NELL2: variants seen among roughly 807,000 people sequenced by gnomAD.
NELL2 encodes protein kinase C-binding protein NELL2.
A neutral mutation model predicts 109.6 loss-of-function variants in NELL2; 41 were observed. The observed-to-expected ratio is 0.37, with a 90% CI of 0.29 to 0.49. NELL2 has a LOEUF of 0.49. Among genes scored for constraint, NELL2 ranks in the 20% least tolerant of loss-of-function variants. The pLI is 0.98. For synonymous variants in NELL2, 355 were observed against 344.7 expected, an observed-to-expected ratio of 1.03 and a Z score of -0.33; for missense variants, 900 against 1,008.3, an observed-to-expected ratio of 0.89 and a Z score of 1.45.
intron 13 of NELL2, among the ~76,000 whole-genome samples, chr12:44,640,327 C>T (rs1946807663): frequency 1.3e-5 from 2 of 152,154 alleles, no homozygotes; most frequent in Non-Finnish European, 2.9e-5. Context: ...ACTGTAATAA[C>T]AATGATAAAA....
At chr12:44,695,794 G>T (rs1294827562) in intron 12 of NELL2, among the ~76,000 whole-genome samples, 1 of 151,988 alleles carries the variant, frequency 6.6e-6, no homozygotes, top group Non-Finnish European at 1.5e-5. Context: ...GTGAAACCAT[G>T]TCTCTCCAAA....
intron 16 of NELL2, among the ~76,000 whole-genome samples, chr12:44,526,813 C>A (rs1240673979): frequency 6.6e-6 from 1 of 152,196 alleles, no homozygotes; most frequent in Non-Finnish European, 1.5e-5. Flanking sequence ...TTCCTCTGGG[C>A]TTCCACCAGG....
intron 13 of NELL2, among the ~76,000 whole-genome samples, chr12:44,646,934 G>C (rs1947116373): frequency 6.6e-6 from 1 of 152,020 alleles, no homozygotes. Flanking sequence ...ACATAAAATG[G>C]GGATAGCAAT....
rs184036982 is a variant in NELL2, at chr12:44,805,609, T to C, written c.335+10377A>G. 1.0e-3 allele frequency among the ~76,000 whole-genome samples: 158 copies of C among 152,000 alleles called. 2 individuals are homozygous for C. In the East Asian group the frequency reaches 0.018, roughly 17 times the overall value. On this transcript the variant is annotated intron_variant, in intron 3 of 19. Coordinates refer to ENST00000429094, the MANE Select transcript of NELL2 (RefSeq NM_001145108.2). ...AAGTCCAACATGTCAATTTTTTTCT[T>C]AGGCAAGACTAAAGGGCATAAAAAT...
chr12:44,920,670 T>C (rs1417727459), intron 1 of NELL2, among the ~76,000 whole-genome samples: 1 of 152,210 alleles, frequency 6.6e-6, no homozygotes, highest in African/African-American at 2.4e-5. Context: ...AAATTTAAAT[T>C]CTTAGTGGCA....
intron 3 of NELL2, among the ~76,000 whole-genome samples, chr12:44,788,170 C>T (rs1449024950): frequency 6.6e-6 from 1 of 152,150 alleles, no homozygotes; most frequent in African/African-American, 2.4e-5. Context: ...GACTAGATTG[C>T]AGCTCCAACT....
At chr12:44,588,288 C>G (rs1447533403) in intron 15 of NELL2, among the ~76,000 whole-genome samples, 5 of 152,126 alleles carry the variant, frequency 3.3e-5, no homozygotes, top group Non-Finnish European at 1.5e-5. Context: ...AGCACCATGG[C>G]TGAGTTTGTC....
chr12:44,916,392 A>T (rs920453335), upstream of NELL2, among the ~76,000 whole-genome samples: 2 of 151,890 alleles, frequency 1.3e-5, no homozygotes, highest in Non-Finnish European at 2.9e-5. Context: ...AATCTAAGCT[A>T]AAAAAAATGG....
chr12:44,625,229 T>C (rs1030135175), intron 13 of NELL2, among the ~76,000 whole-genome samples: 1 of 151,878 alleles, frequency 6.6e-6, no homozygotes, highest in Non-Finnish European at 1.5e-5. Context: ...ACACCCTGCA[T>C]GGCAGTTGTA....
intron 2 of NELL2, among the ~76,000 whole-genome samples, chr12:44,819,762 T>C (rs1032296116): frequency 6.6e-6 from 1 of 152,160 alleles, no homozygotes; most frequent in Admixed American, 6.5e-5. Context: ...GGGGATGGGA[T>C]GGCTTGCAGG....
intron 13 of NELL2, among the ~76,000 whole-genome samples, chr12:44,617,691 C>CAAAAAAAAAAAAAA (rs975070930): frequency 0.011 from 241 of 22,376 alleles, 22 homozygotes; most frequent in East Asian, 0.029. Context: ...GACTCCGTCT[C>CAAAAAAAAAAAAAA]AAAAAAAAAA....
At chr12:44,752,100 A>T (rs1219077681) in intron 9 of NELL2, among the ~76,000 whole-genome samples, 1 of 152,196 alleles carries the variant, frequency 6.6e-6, no homozygotes, top group Non-Finnish European at 1.5e-5. Flanking sequence ...TTCAATTTGA[A>T]CTTCTTGCAA....
At chr12:44,673,566 C>G (rs1210664417) in intron 12 of NELL2, among the ~76,000 whole-genome samples, 1 of 152,148 alleles carries the variant, frequency 6.6e-6, no homozygotes, top group African/African-American at 2.4e-5. Context: ...AATATTCTGA[C>G]ATAAGCTGGT....
At chr12:44,868,888 C>CA (rs1157033225) in intron 2 of NELL2, among the ~76,000 whole-genome samples, 2 of 151,104 alleles carry the variant, frequency 1.3e-5, no homozygotes, top group Non-Finnish European at 3.0e-5. Context: ...GTGTTCTCAC[C>CA]AAAAAAAATT....
chr12:44,826,234 T>C (rs1484499746), intron 2 of NELL2, among the ~76,000 whole-genome samples: 1 of 152,156 alleles, frequency 6.6e-6, no homozygotes, highest in Non-Finnish European at 1.5e-5. Context: ...GAAACCCCCA[T>C]ATAACCAGAC....
At chr12:44,902,307 A>G (rs190947769) in intron 1 of NELL2, among the ~76,000 whole-genome samples, 248 of 152,250 alleles carry the variant, frequency 1.6e-3, no homozygotes, top group Admixed American at 4.8e-3. Context: ...CACAATTGCT[A>G]CAAAGAGAAT....
chr12:44,825,903 G>T (rs1049220779), intron 2 of NELL2, among the ~76,000 whole-genome samples: 1 of 151,598 alleles, frequency 6.6e-6, no homozygotes, highest in African/African-American at 2.4e-5. Flanking sequence ...TTAGCCCAGC[G>T]TGGTGGTGCC....
At chr12:44,755,992 G>A (rs1940873060) in intron 9 of NELL2, among the ~76,000 whole-genome samples, 1 of 152,072 alleles carries the variant, frequency 6.6e-6, no homozygotes, top group South Asian at 2.1e-4. Context: ...ACTTTCATGG[G>A]CTGTTTTCGG....
intron 2 of NELL2, among the ~76,000 whole-genome samples, chr12:44,816,672 C>T (rs1943362032): frequency 6.6e-6 from 1 of 152,184 alleles, no homozygotes; most frequent in African/African-American, 2.4e-5. Context: ...TCACTCTCAG[C>T]CTTCTGTGCA....
Sources: allele counts gnomAD v4.1 joint callset (sites outside exome capture counted in the v4.1 genomes callset), GRCh38; gene constraint gnomAD v4.1.1; transcripts MANE v1.5; gene names NCBI Gene and HGNC (gene_info 2026-07-23, HGNC 2026-07-21).